GDPD4: variants seen among roughly 807,000 people sequenced by gnomAD.
GDPD4 encodes the protein glycerophosphodiester phosphodiesterase 6.
A neutral mutation model predicts 67.8 loss-of-function variants in GDPD4; 60 were observed. The ratio of observed to expected loss-of-function variants is 0.88; its 90% CI spans 0.72 to 1.10. GDPD4 has a LOEUF of 1.10. Among genes scored for constraint, GDPD4 ranks in the 50% least tolerant of loss-of-function variants. The pLI, the probability that GDPD4 is intolerant of heterozygous loss-of-function variation, is 0.00. For synonymous variants in GDPD4, 212 were observed against 210.9 expected, an observed-to-expected ratio of 1.00 and a Z score of -0.04; for missense variants, 623 against 613.9, an observed-to-expected ratio of 1.01 and a Z score of -0.16.
intron 5 of GDPD4, among the ~76,000 whole-genome samples, chr11:77,274,913 G>A (rs1396405596): frequency 1.3e-5 from 2 of 152,192 alleles, no homozygotes; most frequent in African/African-American, 2.4e-5. Context: ...TGGGAGAAAT[G>A]AAGAGGGGTT....
chr11:77,250,025 T>C (rs1958858193), intron 11 of GDPD4, among the ~76,000 whole-genome samples: 1 of 152,202 alleles, frequency 6.6e-6, no homozygotes, highest in African/African-American at 2.4e-5. Context: ...AAATTTGACA[T>C]AAAATTTTAT....
chr11:77,244,280 G>A (rs1189995956), intron 12 of GDPD4, among the ~76,000 whole-genome samples: 3 of 152,102 alleles, frequency 2.0e-5, no homozygotes, highest in South Asian at 2.1e-4. Context: ...TGATCCGCCC[G>A]CCTCGGCCTC....
intron 14 of GDPD4, 82 bp from the exon 15 acceptor site, chr11:77,229,314 G>T (rs894843665): frequency 2.5e-6 from 2 of 784,386 alleles, no homozygotes; most frequent in Non-Finnish European, 4.2e-6. Flanking sequence ...TTGCTCTGCT[G>T]CCAGGGCTGG....
At chr11:77,252,568 A>G (rs1958928422) in intron 11 of GDPD4, among the ~76,000 whole-genome samples, 1 of 152,102 alleles carries the variant, frequency 6.6e-6, no homozygotes, top group Middle Eastern at 3.4e-3. Flanking sequence ...TGGTGGTGTC[A>G]TATTTCCTTG....
Position 77,229,185 on chromosome 11 carries a change from A to G in GDPD4, c.1437T>C (p.Ser479=). The G allele has an allele frequency of 3.1e-6, 5 of 1,608,588 alleles. No homozygotes were observed. The highest frequency in any genetic ancestry group is 4.3e-6 in the Non-Finnish European group (5 of 1,176,246). Reference sequence around the variant, plus strand: ...AAAATATGGCAACAATAAAAAGCACAGAAATGATATCTGCAAGGAGCCACA... The same window carrying G: ...AAAATATGGCAACAATAAAAAGCACGGAAATGATATCTGCAAGGAGCCACA... ...VFMWLLADII[S]VLFIVAIFCF... Residue 479 remains serine, a synonymous_variant, in exon 15 of 17, where the codon TCT becomes TCC. Transcript: ENST00000315938.
intron 13 of GDPD4, among the ~76,000 whole-genome samples, chr11:77,237,323 C>T (rs145061910): frequency 0.015 from 2,228 of 152,196 alleles, 19 homozygotes; most frequent in African/African-American, 0.021. Flanking sequence ...TGATAAATCT[C>T]GGCAGTATGT....
At chr11:77,269,768 C>T (rs1351013414) in intron 8 of GDPD4, 115 bp downstream of exon 8, 1 of 608,940 alleles carries the variant, frequency 1.6e-6, no homozygotes, top group Non-Finnish European at 2.9e-6. Flanking sequence ...CCTGCGATAA[C>T]CAGCCATTCC....
chr11:77,267,339 T>C (rs1228607135), intron 10 of GDPD4, among the ~76,000 whole-genome samples: 2 of 152,218 alleles, frequency 1.3e-5, no homozygotes, highest in Non-Finnish European at 2.9e-5. Flanking sequence ...TCAGAACGTA[T>C]GCTCATCATT....
intron 11 of GDPD4, among the ~76,000 whole-genome samples, chr11:77,248,051 C>CAAAAAAAAAAA (rs34252021): frequency 8.0e-5 from 5 of 62,688 alleles, no homozygotes; most frequent in African/African-American, 1.6e-4. Flanking sequence ...AACTCCGTCT[C>CAAAAAAAAAAA]AAAAAAAAAA....
At chr11:77,230,670 G>C (rs1361961870) in intron 14 of GDPD4, among the ~76,000 whole-genome samples, 1 of 152,176 alleles carries the variant, frequency 6.6e-6, no homozygotes, top group Non-Finnish European at 1.5e-5. Context: ...AAAGGTGAAT[G>C]AATATTTTAA....
chr11:77,271,630 T>A (rs1959228877), intron 5 of GDPD4, among the ~76,000 whole-genome samples: 1 of 152,190 alleles, frequency 6.6e-6, no homozygotes, highest in African/African-American at 2.4e-5. Flanking sequence ...CTGGAAAAAA[T>A]TACACAGCTA....
chr11:77,232,945 C>T lies in GDPD4; in HGVS notation c.1389+80G>A, dbSNP rs555926553. On this transcript the variant is annotated intron_variant, in intron 14 of 16. Coordinates refer to ENST00000315938, the MANE Select transcript of GDPD4 (RefSeq NM_182833.3). ...TCTTAAGTGGCTGCCCAGGGGATGGCACAGTGGGCAACACAGGGCTGGGGG... is the reference window on the plus strand; with the variant it reads ...TCTTAAGTGGCTGCCCAGGGGATGGTACAGTGGGCAACACAGGGCTGGGGG... The T allele has an allele frequency of 2.8e-5, 38 of 1,333,348 alleles. No homozygotes were observed. In the South Asian group the frequency reaches 4.5e-4, roughly 16 times the overall value. The allele number at this position is 1,333,348 out of a possible 1,614,324, so 82.6% of individuals were successfully genotyped here.
chr11:77,243,327 A>G (rs1446594556), intron 13 of GDPD4, among the ~76,000 whole-genome samples: 4 of 152,224 alleles, frequency 2.6e-5, no homozygotes, highest in Admixed American at 1.3e-4. Flanking sequence ...AGGTACTGCC[A>G]TCCATCTGGT....
intron 10 of GDPD4, 66 bp from the exon 11 acceptor site, chr11:77,258,608 G>A: frequency 6.7e-7 from 1 of 1,489,396 alleles, no homozygotes; most frequent in Non-Finnish European, 9.4e-7. Context: ...TGGTAGACAG[G>A]CTCCCCAGAC....
intron 1 of GDPD4, among the ~76,000 whole-genome samples, chr11:77,292,574 C>T (rs1413547131): frequency 6.6e-6 from 1 of 151,750 alleles, no homozygotes; most frequent in African/African-American, 2.4e-5. Context: ...AAATTAAACA[C>T]AAAGTTAACA....
At chr11:77,243,972 A>T (rs1958728778) in intron 12 of GDPD4, 124 bp from the exon 13 acceptor site, 1 of 645,802 alleles carries the variant, frequency 1.5e-6, no homozygotes. Flanking sequence ...AGAGAGAGAG[A>T]GTCTAGTCCT....
At chr11:77,292,591 T>C (rs1937815964) in intron 1 of GDPD4, among the ~76,000 whole-genome samples, 1 of 151,806 alleles carries the variant, frequency 6.6e-6, no homozygotes, top group African/African-American at 2.4e-5. Flanking sequence ...AACAGAAGAT[T>C]AGGAATAATA....
At chr11:77,223,442 G>A (rs776320827) in intron 16 of GDPD4, among the ~76,000 whole-genome samples, 3 of 152,118 alleles carry the variant, frequency 2.0e-5, no homozygotes, top group Non-Finnish European at 4.4e-5. Flanking sequence ...AAACAGTCAG[G>A]TCCCTCAGCT....
chr11:77,227,965 G>A, intron 15 of GDPD4, 49 bp from the exon 16 acceptor site: 1 of 1,262,494 alleles, frequency 7.9e-7, no homozygotes. Flanking sequence ...AAAGAATCAT[G>A]GTCTCTTCTA....
Sources: allele counts gnomAD v4.1 joint callset (sites outside exome capture counted in the v4.1 genomes callset), GRCh38; gene constraint gnomAD v4.1.1; transcripts MANE v1.5; gene names NCBI Gene and HGNC (gene_info 2026-07-23, HGNC 2026-07-21).